Variants in SRGAP3 observed in about 807,000 individuals in gnomAD.
SRGAP3 encodes SLIT-ROBO Rho GTPase activating protein 3.
SRGAP3 carries 39 observed loss-of-function variants against 121.1 expected under a neutral mutation model. That is an observed-to-expected ratio of 0.32 (90% CI 0.25 to 0.42). The LOEUF (loss-of-function observed/expected upper bound fraction) is 0.42. SRGAP3 is among the 10% of genes least tolerant of loss of function. SRGAP3 has a pLI of 1.00. For synonymous variants in SRGAP3, 601 were observed against 570.0 expected (o/e 1.05, Z -0.77); for missense variants, 1,213 against 1,470.6 (o/e 0.82, Z 2.86).
At chr3:9,060,108 C>CA (rs769058444) in intron 6 of SRGAP3, 123 bp downstream of exon 6, 14 of 1,507,736 alleles carry the variant, frequency 9.3e-6, no homozygotes, top group Admixed American at 8.5e-5. Context: ...CAGCAGGGCT[C>CA]AAAAGAGCTG....
chr3:9,046,836 CTT>C (rs71049765), intron 10 of SRGAP3, among the ~76,000 whole-genome samples: 1 of 146,314 alleles, frequency 6.8e-6, no homozygotes. Flanking sequence ...CTTTTCTTTT[CTT>C]TTTTTTTTTG....
chr3:9,005,345 G>A (rs1018412043), intron 18 of SRGAP3, among the ~76,000 whole-genome samples: 16 of 152,184 alleles, frequency 1.1e-4, no homozygotes, highest in South Asian at 4.1e-4. Context: ...AAAATGGTGC[G>A]GTCATTTTGG....
rs139525810 is a variant in SRGAP3 at position 9,104,699 on chromosome 3, A to G, written c.404T>C (p.Val135Ala). ...IVRLSQISED[V>A]IRLFKKSKEI... ...GCCTACCTTTTTGAAGAGTCTGATGACATCCTCACTGATCTGGGAGAGGCG... is the reference window on the plus strand; with the variant it reads ...GCCTACCTTTTTGAAGAGTCTGATGGCATCCTCACTGATCTGGGAGAGGCG... The change falls in exon 3 of 22, where the codon GTC (valine) becomes GCC (alanine). Residue 135 changes from valine to alanine, a missense_variant. Physicochemically the swap from Val to Ala is moderately conservative, Grantham distance 64. Around this residue, in one of 2 missense-constraint regions of SRGAP3, gnomAD observed 793 missense variants for 1,032.9 expected, o/e 0.77. Coordinates refer to ENST00000383836, the MANE Select transcript of SRGAP3 (RefSeq NM_014850.4). The G allele has an allele frequency of 5.0e-6, 8 of 1,614,082 alleles. No individual in the cohort carries two copies. In the African/African-American group the frequency reaches 9.3e-5, roughly 19 times the overall value.
chr3:9,195,597 T>A (rs1560393676), intron 1 of SRGAP3, among the ~76,000 whole-genome samples: 4 of 152,124 alleles, frequency 2.6e-5, no homozygotes, highest in African/African-American at 7.2e-5. Flanking sequence ...CTTACAGGTA[T>A]TTCCAGAAAG....
intron 2 of SRGAP3, among the ~76,000 whole-genome samples, chr3:9,326,515 C>A (rs551489767): frequency 1.3e-5 from 2 of 151,824 alleles, no homozygotes; most frequent in East Asian, 3.9e-4. Context: ...GAATGCAGAA[C>A]CTTTAATAAC....
intron 4 of SRGAP3, among the ~76,000 whole-genome samples, chr3:9,078,539 C>T (rs1484349027): frequency 6.6e-6 from 1 of 152,142 alleles, no homozygotes; most frequent in Non-Finnish European, 1.5e-5. Context: ...GATAGTGACA[C>T]TCAGAACTTC....
chr3:9,060,210 C>T, intron 6 of SRGAP3, 21 bp downstream of exon 6: 1 of 1,613,828 alleles, frequency 6.2e-7, no homozygotes, highest in Non-Finnish European at 8.5e-7. Context: ...TGCTCAGTCC[C>T]AGACTCCCCA....
chr3:9,013,909 C>A, intron 15 of SRGAP3, 67 bp from the exon 16 acceptor site: 4 of 1,464,648 alleles, frequency 2.7e-6, no homozygotes, highest in East Asian at 4.6e-5. Flanking sequence ...AACATTCGCT[C>A]GCCACATCTC....
intron 3 of SRGAP3, among the ~76,000 whole-genome samples, chr3:9,093,187 A>C (rs1344287600): frequency 6.6e-6 from 1 of 152,216 alleles, no homozygotes. Context: ...GTTTCAAAAC[A>C]TTATTGATCA....
chr3:9,079,398 G>A (rs1032482613), intron 4 of SRGAP3, among the ~76,000 whole-genome samples: 1 of 152,096 alleles, frequency 6.6e-6, no homozygotes, highest in Non-Finnish European at 1.5e-5. Flanking sequence ...TCATGTGTTT[G>A]TGTCCCCATT....
At chr3:9,325,640 AG>A (rs1306173217) in intron 3 of SRGAP3, among the ~76,000 whole-genome samples, 1 of 151,950 alleles carries the variant, frequency 6.6e-6, no homozygotes, top group Non-Finnish European at 1.5e-5. Flanking sequence ...AGACGAGTGA[AG>A]GCCTCCTGGC....
chr3:9,258,738 G>A (rs1446434714), intron 3 of SRGAP3, among the ~76,000 whole-genome samples: 1 of 152,090 alleles, frequency 6.6e-6, no homozygotes, highest in Admixed American at 6.6e-5. Flanking sequence ...GCTACAACAC[G>A]AATACTGCCT....
intron 1 of SRGAP3, among the ~76,000 whole-genome samples, chr3:9,362,010 CCT>C (rs2030882714): frequency 6.6e-6 from 1 of 152,018 alleles, no homozygotes. Context: ...ATTCGTGACC[CCT>C]CTTACAGTTT....
intron 18 of SRGAP3, among the ~76,000 whole-genome samples, chr3:9,000,343 T>C (rs560596900): frequency 2.2e-4 from 33 of 152,172 alleles, no homozygotes; most frequent in Non-Finnish European, 4.1e-4. Context: ...GGTGGTTGCA[T>C]GGCAGGAGAG....
At chr3:9,147,672 C>T (rs1266762665) in intron 1 of SRGAP3, among the ~76,000 whole-genome samples, 1 of 152,172 alleles carries the variant, frequency 6.6e-6, no homozygotes, top group Non-Finnish European at 1.5e-5. Context: ...AGAAAAATAA[C>T]AATGTGCTCG....
At chr3:9,225,855 C>T (rs1397932380) in intron 1 of SRGAP3, among the ~76,000 whole-genome samples, 1 of 152,194 alleles carries the variant, frequency 6.6e-6, no homozygotes, top group Non-Finnish European at 1.5e-5. Context: ...GCAATCGGTG[C>T]TCATCCCCAG....
intron 3 of SRGAP3, among the ~76,000 whole-genome samples, chr3:9,102,444 C>G (rs1390368582): frequency 6.6e-6 from 1 of 152,226 alleles, no homozygotes; most frequent in Non-Finnish European, 1.5e-5. Flanking sequence ...AGCCTCCCAA[C>G]GCTTTACTTC....
At chr3:9,205,946 T>C (rs1028833059) in intron 1 of SRGAP3, among the ~76,000 whole-genome samples, 1 of 151,988 alleles carries the variant, frequency 6.6e-6, no homozygotes, top group Admixed American at 6.6e-5. Context: ...AAGACAGAAG[T>C]AGAATAGGAG....
chr3:9,243,359 G>C (rs1156458279), intron 1 of SRGAP3, among the ~76,000 whole-genome samples: 4 of 152,258 alleles, frequency 2.6e-5, no homozygotes, highest in Admixed American at 1.3e-4. Context: ...TGGTCGCCAG[G>C]CATGGTGGCT....
Sources: gnomAD v4.1 joint callset for allele counts (sites outside exome capture counted in the v4.1 genomes callset) on GRCh38, gnomAD v4.1.1 for gene constraint, gnomAD v4.1.1 regional missense constraint, MANE v1.5 for transcripts, NCBI Gene and HGNC (gene_info 2026-07-23, HGNC 2026-07-21) for gene names.